Variants in CDK14 observed in about 807,000 individuals in gnomAD.
CDK14 encodes cyclin-dependent kinase 14.
CDK14 carries 34 observed loss-of-function variants against 60.7 expected under a neutral mutation model. The ratio of observed to expected loss-of-function variants is 0.56; its 90% CI spans 0.43 to 0.75. The LOEUF (loss-of-function observed/expected upper bound fraction) is 0.75, where lower values mean the gene tolerates loss of function less well. Ranked by LOEUF, CDK14 falls within the 30% of genes least tolerant of loss-of-function variation. CDK14 has a pLI of 0.00. For missense variants in CDK14, 482 were observed against 564.1 expected (o/e 0.85, Z 1.47); for synonymous variants, 197 against 203.7 (o/e 0.97, Z 0.28).
At chr7:90,931,154 C>G (rs1306941065) in intron 8 of CDK14, among the ~76,000 whole-genome samples, 2 of 152,132 alleles carry the variant, frequency 1.3e-5, no homozygotes, top group African/African-American at 4.8e-5. Context: ...AAAATTTAGA[C>G]TAGTAACTGG....
At chr7:91,142,637 C>T (rs1217182897) in intron 14 of CDK14, among the ~76,000 whole-genome samples, 1 of 152,140 alleles carries the variant, frequency 6.6e-6, no homozygotes, top group African/African-American at 2.4e-5. Context: ...GGCATTTAAT[C>T]AGGTTTATTA....
intron 5 of CDK14, among the ~76,000 whole-genome samples, chr7:90,862,698 T>C (rs943251408): frequency 6.6e-6 from 1 of 152,080 alleles, no homozygotes; most frequent in Non-Finnish European, 1.5e-5. Context: ...CCACCCAACA[T>C]CAGCAGAATT....
intron 2 of CDK14, among the ~76,000 whole-genome samples, chr7:90,634,736 T>C (rs1800095349): frequency 6.6e-6 from 1 of 151,896 alleles, no homozygotes; most frequent in Non-Finnish European, 1.5e-5. Context: ...TGAACTAGTT[T>C]ACAGTCCCAC....
Position 90,638,533 on chromosome 7 carries a change from A to C in CDK14, c.123+34284A>C, listed in dbSNP as rs548279735. On this transcript the variant is annotated intron_variant, in intron 2 of 14. Transcript: ENST00000380050. Reference sequence around the variant, plus strand: ...TCTGATGGGCTTCCCTTTGTGGGTAACCTGACCTTTGTCTCTGGCTGCCCT... The same window carrying C: ...TCTGATGGGCTTCCCTTTGTGGGTACCCTGACCTTTGTCTCTGGCTGCCCT... 3.3e-5 allele frequency among the ~76,000 whole-genome samples: 5 copies of C among 152,296 alleles called. No homozygotes were observed. In the South Asian group the frequency reaches 1.0e-3, roughly 32 times the overall value.
chr7:90,615,910 G>C (rs1799641123), intron 2 of CDK14, among the ~76,000 whole-genome samples: 1 of 152,160 alleles, frequency 6.6e-6, no homozygotes, highest in African/African-American at 2.4e-5. Flanking sequence ...GCTGTAGTTA[G>C]GAAGGGTTGT....
intron 2 of CDK14, among the ~76,000 whole-genome samples, chr7:90,636,277 T>C (rs1297669985): frequency 2.6e-5 from 4 of 152,228 alleles, no homozygotes; most frequent in Admixed American, 1.3e-4. Context: ...GGGTTTGTCA[T>C]AGATAGCTCT....
At chr7:90,690,243 C>T (rs1356105234) in intron 2 of CDK14, among the ~76,000 whole-genome samples, 1 of 152,026 alleles carries the variant, frequency 6.6e-6, no homozygotes, top group Non-Finnish European at 1.5e-5. Context: ...GGTAAGTTTG[C>T]TTGATGTTTG....
chr7:90,932,192 C>G (rs1793614000), intron 8 of CDK14, among the ~76,000 whole-genome samples: 1 of 152,068 alleles, frequency 6.6e-6, no homozygotes, highest in Admixed American at 6.5e-5. Flanking sequence ...TTCTGTGAAT[C>G]TGAAAAGTCA....
At chr7:90,811,530 G>C (rs1672991217) in intron 5 of CDK14, among the ~76,000 whole-genome samples, 1 of 151,978 alleles carries the variant, frequency 6.6e-6, no homozygotes. Context: ...GAAAACCTAG[G>C]CAATACCATT....
At chr7:90,821,729 T>C (rs1212083408) in intron 5 of CDK14, among the ~76,000 whole-genome samples, 2 of 152,224 alleles carry the variant, frequency 1.3e-5, no homozygotes, top group African/African-American at 4.8e-5. Context: ...GTATTCCCTA[T>C]ACTGCTTTAT....
At chr7:91,179,631 T>A (rs1801927284) in intron 14 of CDK14, among the ~76,000 whole-genome samples, 1 of 151,930 alleles carries the variant, frequency 6.6e-6, no homozygotes, top group African/African-American at 2.4e-5. Context: ...TGAAACCCCG[T>A]CTCTACTAAA....
At chr7:90,818,212 T>C (rs539328879) in intron 5 of CDK14, among the ~76,000 whole-genome samples, 2 of 152,338 alleles carry the variant, frequency 1.3e-5, no homozygotes, top group Admixed American at 6.5e-5. Flanking sequence ...TCAAAACTTG[T>C]CTGGCAATGA....
chr7:91,108,198 C>G (rs1224740273), intron 12 of CDK14, among the ~76,000 whole-genome samples: 1 of 152,194 alleles, frequency 6.6e-6, no homozygotes, highest in Non-Finnish European at 1.5e-5. Flanking sequence ...CTCTCAGCCA[C>G]TCTCAGGCTG....
chr7:90,967,227 G>A (rs1291825576), intron 9 of CDK14, among the ~76,000 whole-genome samples: 1 of 151,880 alleles, frequency 6.6e-6, no homozygotes, highest in Non-Finnish European at 1.5e-5. Context: ...AAGCAAGCAG[G>A]CTGGCTCATA....
chr7:91,120,554 G>A (rs1187731912), intron 14 of CDK14, among the ~76,000 whole-genome samples: 3 of 137,594 alleles, frequency 2.2e-5, no homozygotes, highest in African/African-American at 5.5e-5. Flanking sequence ...TTTTTTTTGA[G>A]ATGGAGTTTC....
At chr7:90,764,229 A>G (rs1447810826) in intron 4 of CDK14, among the ~76,000 whole-genome samples, 1 of 152,232 alleles carries the variant, frequency 6.6e-6, no homozygotes, top group African/African-American at 2.4e-5. Context: ...AGGTCTGGCA[A>G]TTAGACATGA....
intron 4 of CDK14, among the ~76,000 whole-genome samples, chr7:90,786,711 G>A (rs1238356309): frequency 1.3e-5 from 2 of 151,800 alleles, no homozygotes; most frequent in African/African-American, 2.4e-5. Flanking sequence ...GAGCCCAGGA[G>A]TTCAAGACTA....
At chr7:90,933,285 A>G (rs1412620954) in intron 8 of CDK14, among the ~76,000 whole-genome samples, 1 of 152,078 alleles carries the variant, frequency 6.6e-6, no homozygotes, top group Non-Finnish European at 1.5e-5. Context: ...GTCTCAAAAA[A>G]AAAAAAAAAA....
At chr7:91,010,827 TCCTTCCTCCCTCCCTCCCTC>T (rs1410346493) in intron 10 of CDK14, among the ~76,000 whole-genome samples, 28 of 72,084 alleles carry the variant, frequency 3.9e-4, no homozygotes, top group African/African-American at 1.1e-3. Flanking sequence ...CTTCCTTCCT[TCCTTCCTCCCTCCCTCCCTC>T]CCTCCCTCCC....
Sources: gnomAD v4.1 joint callset for allele counts (sites outside exome capture counted in the v4.1 genomes callset) on GRCh38, gnomAD v4.1.1 for gene constraint, MANE v1.5 for transcripts, NCBI Gene and HGNC (gene_info 2026-07-23, HGNC 2026-07-21) for gene names.